RANBP10: variants seen among roughly 807,000 people sequenced by gnomAD.
The protein encoded by RANBP10 is RAN binding protein 10, also known as ran-binding protein 10.
RANBP10 carries 24 observed loss-of-function variants against 72.8 expected under a neutral mutation model. The observed-to-expected ratio is 0.33, with a 90% confidence interval of 0.24 to 0.46. RANBP10 has a LOEUF of 0.46. RANBP10 is among the 20% of genes least tolerant of loss of function. The pLI, the probability that RANBP10 is intolerant of heterozygous loss-of-function variation, is 1.00. For synonymous variants in RANBP10, 310 were observed against 322.3 expected (o/e 0.96, Z 0.41); for missense variants, 679 against 817.5 (o/e 0.83, Z 2.07).
rs557469609 is a variant in RANBP10 at position 67,729,590 on chromosome 16, G to A, written c.1147+90C>T. On this transcript the variant is annotated intron_variant, in intron 9 of 13. Transcript: ENST00000317506. The surrounding 1 kb of genome is among the most constrained non-coding windows in gnomAD (Gnocchi z 7.1). ...TTTCCCTTCTCCCAAATCCAGCAGT[G>A]AGCCCTGAGCCCAGCCCAGGAAAGG... is the stretch of plus-strand genomic sequence containing the variant. 4.5e-6 allele frequency: 7 copies of A among 1,550,264 alleles called. No individual in the cohort carries two copies. The highest frequency in any genetic ancestry group is 2.2e-5 in the East Asian group (1 of 44,450).
intron 4 of RANBP10, among the ~76,000 whole-genome samples, chr16:67,741,883 T>C (rs2053976484): frequency 6.6e-6 from 1 of 152,108 alleles, no homozygotes; most frequent in South Asian, 2.1e-4. Flanking sequence ...ATTGATAAGA[T>C]GGCTTGGGAA....
At chr16:67,757,920 G>C (rs1477391619) in intron 3 of RANBP10, among the ~76,000 whole-genome samples, 7 of 152,144 alleles carry the variant, frequency 4.6e-5, no homozygotes, top group Non-Finnish European at 1.5e-5. Flanking sequence ...AAGGGGGCAG[G>C]AGAAAAAGGC....
At chr16:67,753,368 G>A (rs1211969147) in intron 3 of RANBP10, among the ~76,000 whole-genome samples, 2 of 152,138 alleles carry the variant, frequency 1.3e-5, no homozygotes, top group African/African-American at 2.4e-5. Flanking sequence ...TTAGCCAGGC[G>A]CTGTGGTGCG....
At chr16:67,746,864 A>G (rs1292563129) in intron 3 of RANBP10, among the ~76,000 whole-genome samples, 1 of 152,176 alleles carries the variant, frequency 6.6e-6, no homozygotes, top group East Asian at 1.9e-4. Flanking sequence ...GCAGTGTTCC[A>G]TTCCTTTTTA....
rs1313231346 is a variant in RANBP10, at chr16:67,734,977, C to T, written c.657G>A (p.Gln219=). ...PGEIVDANFG[Q]QPFLFDIEDY... is the part of the protein sequence containing the mutation. ...CCTCAATGTCAAACAGGAAGGGCTG[C>T]TGCCCAAAGTTGGCGTCCACAATCT... Residue 219 remains glutamine, a synonymous_variant, in exon 6 of 14, where the codon CAG becomes CAA. Transcript: ENST00000317506. 1 of 1,614,088 alleles carries T rather than the reference C, an allele frequency of 6.2e-7. No individual in the cohort carries two copies.
chr16:67,729,382 G>C lies in RANBP10; in HGVS notation c.1250C>G (p.Ser417Cys), dbSNP rs2053675841. The change falls in exon 10 of 14, where the codon TCC becomes TGC. Residue 417 changes from serine (S) to cysteine (C), a missense_variant. By Grantham distance (112) the Ser-to-Cys change is moderately radical (BLOSUM62 -1). Coordinates refer to ENST00000317506, the MANE Select transcript of RANBP10 (RefSeq NM_020850.3). The surrounding 1 kb of genome is among the most constrained non-coding windows in gnomAD (Gnocchi z 7.1). ...APSSSSSSSSSSSSSSPSSVN... is the reference protein window; with the variant it reads ...APSSSSSSSSCSSSSSPSSVN... ...GGAGGATGGGGAAGAGGACGAGGAG[G>C]AGGAGGAGGACGAGGATGAGGAGCT... 6.2e-7 allele frequency: 1 copy of C among 1,613,296 alleles called. No individual in the cohort carries two copies. Among genetic ancestry groups the C allele is most frequent in the Non-Finnish European group, 8.5e-7 (1 of 1,179,838 alleles).
intron 3 of RANBP10, among the ~76,000 whole-genome samples, chr16:67,745,600 G>A (rs1187845408): frequency 1.3e-5 from 2 of 150,178 alleles, no homozygotes; most frequent in Non-Finnish European, 1.5e-5. Context: ...ATCCCAAAAT[G>A]TTAAGATTAC....
At chr16:67,801,719 T>C (rs1327343590) in intron 2 of RANBP10, among the ~76,000 whole-genome samples, 5 of 151,870 alleles carry the variant, frequency 3.3e-5, no homozygotes, top group Non-Finnish European at 5.9e-5. Flanking sequence ...TTGGATCACT[T>C]TGAGGCAGGA....
chr16:67,783,002 C>G (rs13330383), intron 2 of RANBP10, among the ~76,000 whole-genome samples: 5,936 of 152,002 alleles, frequency 0.039, 323 homozygotes, highest in African/African-American at 0.13. Flanking sequence ...CATTAGGGAA[C>G]GTGGCTTTCA....
intron 6 of RANBP10, among the ~76,000 whole-genome samples, chr16:67,734,007 G>A (rs746731580): frequency 3.3e-5 from 5 of 152,188 alleles, no homozygotes; most frequent in Non-Finnish European, 5.9e-5. Flanking sequence ...GTGAACAAGA[G>A]GCAGCAATGC....
At chr16:67,805,321 C>T (rs2055346946) in intron 2 of RANBP10, 107 bp downstream of exon 2, 7 of 932,638 alleles carry the variant, frequency 7.5e-6, no homozygotes, top group Admixed American at 2.4e-5. Flanking sequence ...CAGACCCATG[C>T]GGCTCCCCAG....
rs777086352 is a variant in RANBP10, at chr16:67,744,474, G to A, written c.401-19C>T. 6.2e-7 allele frequency: 1 copy of A among 1,603,378 alleles called. No individual in the cohort carries two copies. The highest frequency in any genetic ancestry group is 1.3e-5 in the African/African-American group (1 of 74,780). ...TCCCAACCTGTGGGGGAAGAGAGCA[G>A]CAATAACTGAGTAGGTACTTGAGGG... is the stretch of plus-strand genomic sequence containing the variant. On this transcript the variant is annotated intron_variant, in intron 3 of 13. Coordinates refer to ENST00000317506, the MANE Select transcript of RANBP10 (RefSeq NM_020850.3).
intron 3 of RANBP10, among the ~76,000 whole-genome samples, chr16:67,757,525 A>C (rs117648818): frequency 0.029 from 4,476 of 152,176 alleles, 95 homozygotes; most frequent in Middle Eastern, 0.16. Flanking sequence ...GTCCAGGTAC[A>C]TTGCGGGACA....
chr16:67,774,367 G>T (rs2143013304), intron 2 of RANBP10, among the ~76,000 whole-genome samples: 1 of 152,320 alleles, frequency 6.6e-6, no homozygotes. Flanking sequence ...CAGGGCTCTG[G>T]TTCCACAACA....
intron 2 of RANBP10, among the ~76,000 whole-genome samples, chr16:67,793,397 C>T (rs1404071031): frequency 6.6e-6 from 1 of 151,300 alleles, no homozygotes; most frequent in Admixed American, 6.6e-5. Flanking sequence ...TTGCAACCTC[C>T]GCTTCCCAGG....
chr16:67,806,330 G>GGAGA lies in RANBP10; in HGVS notation c.203_206dup (p.Gln70LeufsTer38). On this transcript the variant is annotated frameshift_variant, in exon 1 of 14. Transcript: ENST00000317506. LOFTEE classifies it high-confidence loss of function. ...TGTAGTGGACGCGGAGGTTGCCCTG[G>GGAGA]GAGAGACCAATGTAGTTGTATTTGT... 6.2e-7 allele frequency: 1 copy of GGAGA among 1,613,370 alleles called. No homozygotes were observed. The highest frequency in any genetic ancestry group is 8.5e-7 in the Non-Finnish European group (1 of 1,179,682).
At chr16:67,764,208 G>A (rs2054453496) in intron 3 of RANBP10, among the ~76,000 whole-genome samples, 1 of 152,102 alleles carries the variant, frequency 6.6e-6, no homozygotes. Flanking sequence ...AGAAGAAAAG[G>A]GGCTTAGTTC....
intron 2 of RANBP10, among the ~76,000 whole-genome samples, chr16:67,779,151 T>C (rs1011057746): frequency 6.6e-6 from 1 of 152,034 alleles, no homozygotes; most frequent in Non-Finnish European, 1.5e-5. Flanking sequence ...TCCCAGCACT[T>C]TGGGAGGCCA....
intron 5 of RANBP10, among the ~76,000 whole-genome samples, chr16:67,737,615 G>A (rs113827623): frequency 1.3e-5 from 2 of 151,988 alleles, no homozygotes; most frequent in Non-Finnish European, 2.9e-5. Flanking sequence ...CTTTCCTCAG[G>A]GATCTCTGAT....
Sources: gnomAD v4.1 joint callset for allele counts (sites outside exome capture counted in the v4.1 genomes callset) on GRCh38, gnomAD v4.1.1 for gene constraint, Gnocchi (gnomAD v3.1) non-coding constraint, MANE v1.5 for transcripts, NCBI Gene and HGNC (gene_info 2026-07-23, HGNC 2026-07-21) for gene names.